Variants in CPNE8 observed in about 807,000 individuals in gnomAD.
CPNE8 encodes the protein copine-8.
CPNE8 carries 45 observed loss-of-function variants against 81.5 expected under a neutral mutation model. The ratio of observed to expected loss-of-function variants is 0.55; its 90% CI spans 0.44 to 0.71. The LOEUF is 0.71. Among genes scored for constraint, CPNE8 ranks in the 30% least tolerant of loss-of-function variants. The probability of loss-of-function intolerance (pLI) is 0.00; values close to 1 mark genes in which losing one functional copy is unlikely to be tolerated. For synonymous variants in CPNE8, 252 were observed against 226.3 expected (o/e 1.11, Z -1.02); for missense variants, 594 against 672.1 (o/e 0.88, Z 1.28).
At chr12:38,866,138 T>C (rs1489550706) in intron 3 of CPNE8, among the ~76,000 whole-genome samples, 3 of 152,202 alleles carry the variant, frequency 2.0e-5, no homozygotes, top group African/African-American at 7.2e-5. Flanking sequence ...TGGCCACGCA[T>C]TTCATAAAAT....
chr12:38,674,900 T>G (rs1939254512), intron 18 of CPNE8, among the ~76,000 whole-genome samples: 1 of 152,186 alleles, frequency 6.6e-6, no homozygotes, highest in African/African-American at 2.4e-5. Flanking sequence ...TCTAAAACCA[T>G]TCTCATTTCC....
At chr12:38,887,323 A>C (rs1322352452) in intron 1 of CPNE8, among the ~76,000 whole-genome samples, 1 of 152,174 alleles carries the variant, frequency 6.6e-6, no homozygotes, top group East Asian at 1.9e-4. Flanking sequence ...AGCTAGGTTC[A>C]GGTATTAATA....
intron 5 of CPNE8, among the ~76,000 whole-genome samples, chr12:38,830,829 C>T (rs1052814888): frequency 1.3e-5 from 2 of 152,116 alleles, no homozygotes; most frequent in African/African-American, 4.8e-5. Context: ...GTAAATTGCT[C>T]AGAGCTACAA....
At chr12:38,719,967 C>T (rs1478618029) in intron 13 of CPNE8, among the ~76,000 whole-genome samples, 1 of 152,084 alleles carries the variant, frequency 6.6e-6, no homozygotes, top group East Asian at 1.9e-4. Context: ...TATATTTCCC[C>T]AGGCCCCATT....
chr12:38,837,632 GA>G (rs1943406071), intron 5 of CPNE8, among the ~76,000 whole-genome samples: 1 of 152,114 alleles, frequency 6.6e-6, no homozygotes, highest in Non-Finnish European at 1.5e-5. Flanking sequence ...AGGGAGGCTG[GA>G]GAAGCAGCAA....
intron 6 of CPNE8, among the ~76,000 whole-genome samples, chr12:38,796,832 C>A (rs1317512343): frequency 6.6e-6 from 1 of 152,102 alleles, no homozygotes; most frequent in African/African-American, 2.4e-5. Flanking sequence ...AAAATCGGGT[C>A]ACTCCCACCC....
chr12:38,828,612 G>A (rs926509465), intron 6 of CPNE8, among the ~76,000 whole-genome samples: 1 of 152,234 alleles, frequency 6.6e-6, no homozygotes, highest in East Asian at 1.9e-4. Flanking sequence ...TTTTGAGTTT[G>A]AGATTCTTAA....
intron 10 of CPNE8, among the ~76,000 whole-genome samples, chr12:38,735,242 T>C (rs527341565): frequency 2.7e-5 from 3 of 110,772 alleles, no homozygotes; most frequent in African/African-American, 6.1e-5. Context: ...AGTTTGAAAA[T>C]GGAGCAGTCA....
chr12:38,861,083 G>A lies in CPNE8; in HGVS notation c.186+11921C>T, dbSNP rs376101568. On this transcript the variant is annotated intron_variant, in intron 3 of 19. Coordinates refer to ENST00000331366, the MANE Select transcript of CPNE8 (RefSeq NM_153634.3). ...AAATAAGGTAATCCTGCTATATGCA[G>A]CAACATGAATAAACCTGGAGGACAT... Among the ~76,000 whole-genome samples, 216 of 152,200 alleles carry A rather than the reference G, an allele frequency of 1.4e-3. 1 individual carries two copies. The highest frequency in any genetic ancestry group is 4.9e-3 in the African/African-American group (204 of 41,550).
intron 6 of CPNE8, among the ~76,000 whole-genome samples, chr12:38,801,835 A>T (rs1454633882): frequency 2.9e-5 from 3 of 102,038 alleles, no homozygotes; most frequent in Admixed American, 2.4e-4. Flanking sequence ...AATGGAAAAC[A>T]AAAAAAGGCA....
At chr12:38,825,647 A>G (rs1943176989) in intron 6 of CPNE8, among the ~76,000 whole-genome samples, 1 of 152,242 alleles carries the variant, frequency 6.6e-6, no homozygotes, top group African/African-American at 2.4e-5. Flanking sequence ...AAGTACCTGA[A>G]CTTAAAACTT....
chr12:38,779,686 T>TA (rs1369606616), intron 6 of CPNE8, among the ~76,000 whole-genome samples: 2 of 152,072 alleles, frequency 1.3e-5, no homozygotes, highest in Non-Finnish European at 2.9e-5. Flanking sequence ...CATCTCAAAA[T>TA]ATCTCACATT....
intron 13 of CPNE8, among the ~76,000 whole-genome samples, chr12:38,704,231 C>T (rs1451986224): frequency 6.6e-6 from 1 of 152,092 alleles, no homozygotes; most frequent in Non-Finnish European, 1.5e-5. Flanking sequence ...AACAAACACG[C>T]ACATGTAATT....
intron 10 of CPNE8, among the ~76,000 whole-genome samples, chr12:38,752,284 T>C (rs1317743050): frequency 6.6e-6 from 1 of 152,178 alleles, no homozygotes; most frequent in African/African-American, 2.4e-5. Flanking sequence ...AGGTTCGGGT[T>C]GTAGTAATGC....
chr12:38,799,716 G>A (rs112862088), intron 6 of CPNE8, among the ~76,000 whole-genome samples: 6 of 150,104 alleles, frequency 4.0e-5, no homozygotes, highest in South Asian at 4.3e-4. Context: ...CGCAGAAGAC[G>A]GGTGATTTCT....
chr12:38,770,138 C>T (rs1171830618), intron 7 of CPNE8, among the ~76,000 whole-genome samples: 1 of 152,140 alleles, frequency 6.6e-6, no homozygotes, highest in Non-Finnish European at 1.5e-5. Flanking sequence ...CATATAAGGA[C>T]CATTCTATTG....
At chr12:38,747,615 C>A (rs183839200) in intron 10 of CPNE8, among the ~76,000 whole-genome samples, 302 of 152,092 alleles carry the variant, frequency 2.0e-3, no homozygotes, top group Middle Eastern at 0.017. Flanking sequence ...ATTCTAGATA[C>A]ACTGTATAAA....
rs1488590374 is a variant in CPNE8, at chr12:38,810,034, C to CT, written c.407+19344dup. 2.6e-5 allele frequency among the ~76,000 whole-genome samples: 4 copies of CT among 152,166 alleles called. No homozygotes were observed. In the East Asian group the frequency reaches 5.8e-4, roughly 22 times the overall value. On this transcript the variant is annotated intron_variant, in intron 6 of 19. Coordinates refer to ENST00000331366, the MANE Select transcript of CPNE8 (RefSeq NM_153634.3). Reference sequence around the variant, plus strand: ...AACTCCATCAACTGAGTCATTCTTCCTTTTTTGTAAAAGGGTAGCAAGAAA... The same window carrying CT: ...AACTCCATCAACTGAGTCATTCTTCCTTTTTTTGTAAAAGGGTAGCAAGAAA...
chr12:38,877,885 G>A (rs1006145077), intron 1 of CPNE8, among the ~76,000 whole-genome samples: 1 of 152,148 alleles, frequency 6.6e-6, no homozygotes, highest in African/African-American at 2.4e-5. Flanking sequence ...GGAGGTTAAG[G>A]CATCCTTAGT....
Sources: allele counts gnomAD v4.1 joint callset (sites outside exome capture counted in the v4.1 genomes callset), GRCh38; gene constraint gnomAD v4.1.1; transcripts MANE v1.5; gene names NCBI Gene and HGNC (gene_info 2026-07-23, HGNC 2026-07-21).